PTPRF: variants seen among roughly 807,000 people sequenced by gnomAD.
The protein encoded by PTPRF is protein tyrosine phosphatase receptor type F.
PTPRF carries 59 observed loss-of-function variants against 201.8 expected under a neutral mutation model. The ratio of observed to expected loss-of-function variants is 0.29; its 90% CI spans 0.24 to 0.36. The LOEUF is 0.36. Ranked by LOEUF, PTPRF falls within the 10% of genes least tolerant of loss-of-function variation. The probability of loss-of-function intolerance (pLI) is 1.00; values close to 1 mark genes in which losing one functional copy is unlikely to be tolerated. For synonymous variants in PTPRF, 1,088 were observed against 1,089.7 expected (o/e 1.00, Z 0.03); for missense variants, 2,132 against 2,690.5 (o/e 0.79, Z 4.59).
At chr1:43,532,308 G>A (rs1202662611) in intron 1 of PTPRF, among the ~76,000 whole-genome samples, 5 of 152,202 alleles carry the variant, frequency 3.3e-5, no homozygotes, top group African/African-American at 1.2e-4. Context: ...GGAGCAGGTT[G>A]GGGGTGGGGA....
At chr1:43,567,891 C>T (rs2153985890) in intron 5 of PTPRF, among the ~76,000 whole-genome samples, 1 of 152,302 alleles carries the variant, frequency 6.6e-6, no homozygotes, top group South Asian at 2.1e-4. Flanking sequence ...ACCATGAGCC[C>T]AGCTCCCCGC....
intron 7 of PTPRF, among the ~76,000 whole-genome samples, chr1:43,581,125 C>G (rs1054197869): frequency 6.6e-6 from 1 of 152,222 alleles, no homozygotes. Context: ...ATGTGCAGCC[C>G]CTTGGAGCAT....
Position 43,621,917 on chromosome 1 carries a change from A to C in PTPRF, c.5656-18A>C. 2 of 1,613,900 alleles carry C rather than the reference A, an allele frequency of 1.2e-6. No individual in the cohort carries two copies. Among genetic ancestry groups the C allele is most frequent in the Non-Finnish European group, 1.7e-6 (2 of 1,179,830 alleles). On this transcript the variant is annotated intron_variant, in intron 33 of 33. Coordinates refer to ENST00000359947, the MANE Select transcript of PTPRF (RefSeq NM_002840.5). ...TCCACTGGCGCGACCCACACTGACC[A>C]GCCCCCTATCCTGGCAGGACCAGTA...
At chr1:43,535,204 A>G (rs796233587) in intron 1 of PTPRF, among the ~76,000 whole-genome samples, 40 of 152,248 alleles carry the variant, frequency 2.6e-4, no homozygotes, top group African/African-American at 8.7e-4. Flanking sequence ...GCCTGCCCCT[A>G]TTGTTATCGA....
chr1:43,596,490 CAAG>C (rs2154019683), intron 11 of PTPRF, among the ~76,000 whole-genome samples: 1 of 152,254 alleles, frequency 6.6e-6, no homozygotes, highest in East Asian at 1.9e-4. Flanking sequence ...TCACTGGACA[CAAG>C]GAGACACGTG....
intron 33 of PTPRF, 29 bp from the exon 34 acceptor site, chr1:43,621,906 C>T: frequency 6.2e-7 from 1 of 1,612,512 alleles, no homozygotes; most frequent in South Asian, 1.1e-5. Context: ...CTGGCGCGAC[C>T]CACACTGACC....
chr1:43,604,264 A>T, intron 16 of PTPRF, 75 bp downstream of exon 16: 1 of 1,450,114 alleles, frequency 6.9e-7, no homozygotes, highest in Non-Finnish European at 9.3e-7. Flanking sequence ...TGAGCCACTG[A>T]CCTCTGGCGA....
At chr1:43,528,651 T>G (rs1322243619), upstream of PTPRF, 1 of 152,254 alleles carries the variant, frequency 6.6e-6, no homozygotes, top group Non-Finnish European at 1.5e-5. Flanking sequence ...TTTTCAAAAT[T>G]TGCAGGACTG....
rs201803244 is a variant in PTPRF at position 43,606,804 on chromosome 1, C to T, written c.3703-10C>T. ...GAGCTCACAGCCTGCTGTTCTCCACCGGGCCACAGAAGCGCTATGCCTCCA... is the reference window on the plus strand; with the variant it reads ...GAGCTCACAGCCTGCTGTTCTCCACTGGGCCACAGAAGCGCTATGCCTCCA... On this transcript the variant is annotated splice_polypyrimidine_tract_variant and intron_variant, in intron 20 of 33. Transcript: ENST00000359947. The T allele has an allele frequency of 6.9e-5, 111 of 1,611,606 alleles. No individual in the cohort carries two copies. Among genetic ancestry groups the T allele is most frequent in the South Asian group, 2.1e-4 (19 of 91,016 alleles).
At chr1:43,533,637 C>T (rs1055445352) in intron 1 of PTPRF, among the ~76,000 whole-genome samples, 2 of 152,152 alleles carry the variant, frequency 1.3e-5, no homozygotes, top group African/African-American at 2.4e-5. Context: ...TAATCCAACC[C>T]GGACTGGGTC....
Position 43,578,932 on chromosome 1 carries a change from G to A in PTPRF, c.679+12G>A. 4 of 1,612,156 alleles carry A rather than the reference G, an allele frequency of 2.5e-6. No homozygotes were observed. Among genetic ancestry groups the A allele is most frequent in the Non-Finnish European group, 3.4e-6 (4 of 1,178,260 alleles). ...CCTGTATGTGCGAGGTAAGGACTCA[G>A]GCAGTGCCTGGCCCCTGTCACCACA... is the stretch of plus-strand genomic sequence containing the variant. On this transcript the variant is annotated intron_variant, in intron 7 of 33. Coordinates refer to ENST00000359947, the MANE Select transcript of PTPRF (RefSeq NM_002840.5).
At position 43,592,475 on chromosome 1, in the gene PTPRF, CCA is replaced by C; in HGVS notation, c.1688_1689del (p.Pro563HisfsTer12). 6.2e-7 allele frequency: 1 copy of C among 1,611,152 alleles called. No homozygotes were observed. The highest frequency in any genetic ancestry group is 8.5e-7 in the Non-Finnish European group (1 of 1,178,758). On this transcript the variant is annotated frameshift_variant, in exon 11 of 34. Transcript: ENST00000359947. LOFTEE classifies it high-confidence loss of function. ...TTCCCAGCACAAGGTGACCTTCGAC[CCA>C]ACCTCCTCCTACACACTAGAGGACC... ...EDQQHKVTFD[P>X]TSSYTLEDLK... is the part of the protein sequence containing the mutation.
intron 7 of PTPRF, among the ~76,000 whole-genome samples, chr1:43,587,240 T>C (rs1224067278): frequency 2.0e-5 from 3 of 152,000 alleles, no homozygotes; most frequent in Non-Finnish European, 4.4e-5. Context: ...GTGCCAGCTG[T>C]TTGTGGAGGG....
intron 23 of PTPRF, among the ~76,000 whole-genome samples, chr1:43,614,065 C>T (rs1052135130): frequency 6.6e-6 from 1 of 152,252 alleles, no homozygotes; most frequent in Non-Finnish European, 1.5e-5. Context: ...GCCACAGTAG[C>T]TGGCATCTAT....
chr1:43,586,403 G>C (rs914787227), intron 7 of PTPRF, among the ~76,000 whole-genome samples: 1 of 152,228 alleles, frequency 6.6e-6, no homozygotes, highest in South Asian at 2.1e-4. Context: ...CGCTGGGCTG[G>C]GTGGTGGTCC....
upstream of PTPRF, among the ~76,000 whole-genome samples, chr1:43,526,920 G>A (rs1158310344): frequency 1.3e-5 from 2 of 152,212 alleles, no homozygotes; most frequent in South Asian, 2.1e-4. Flanking sequence ...TGTGGAGCAC[G>A]GACTGACCAT....
At chr1:43,602,010 C>A (rs369406573) in intron 13 of PTPRF, 61 bp from the exon 14 acceptor site, 3 of 1,572,750 alleles carry the variant, frequency 1.9e-6, no homozygotes, top group Non-Finnish European at 8.8e-7. Context: ...CAGGCCAGGC[C>A]CTCTCCAGGT....
intron 3 of PTPRF, among the ~76,000 whole-genome samples, chr1:43,552,975 G>A (rs901757041): frequency 7.9e-5 from 12 of 152,182 alleles, no homozygotes. Flanking sequence ...GCTGGTATGT[G>A]GGGGCTGGGA....
At chr1:43,581,416 C>G (rs1210684193) in intron 7 of PTPRF, among the ~76,000 whole-genome samples, 5 of 152,224 alleles carry the variant, frequency 3.3e-5, no homozygotes, top group Non-Finnish European at 5.9e-5. Flanking sequence ...TAAGCTCTGT[C>G]CCCAGGACCT....
Sources: gnomAD v4.1 joint callset for allele counts (sites outside exome capture counted in the v4.1 genomes callset) on GRCh38, gnomAD v4.1.1 for gene constraint, MANE v1.5 for transcripts, NCBI Gene and HGNC (gene_info 2026-07-23, HGNC 2026-07-21) for gene names.